Variants in CSMD1 observed in about 807,000 individuals in gnomAD.
The protein encoded by CSMD1 is CUB and Sushi multiple domains 1.
Under a neutral mutation model 417.5 loss-of-function variants are expected in CSMD1, and 213 were observed. The observed-to-expected ratio is 0.51, with a 90% confidence interval of 0.46 to 0.57. The LOEUF (loss-of-function observed/expected upper bound fraction) is 0.57, where lower values mean the gene tolerates loss of function less well. CSMD1 is among the 20% of genes least tolerant of loss of function. CSMD1 has a pLI of 0.00. For synonymous variants in CSMD1, 2,862 were observed against 1,736.8 expected (o/e 1.65, Z -16.11); for missense variants, 6,923 against 4,529.7 (o/e 1.53, Z -15.17).
chr8:3,514,239 G>C (rs1373709773), intron 10 of CSMD1, among the ~76,000 whole-genome samples: 1 of 152,258 alleles, frequency 6.6e-6, no homozygotes, highest in South Asian at 2.1e-4. Flanking sequence ...CTTTCTTAGA[G>C]TCTCTTTCAT....
chr8:4,216,761 C>G (rs775866876), intron 3 of CSMD1, among the ~76,000 whole-genome samples: 34 of 152,118 alleles, frequency 2.2e-4, no homozygotes, highest in Admixed American at 1.4e-3. Flanking sequence ...AATTACCATT[C>G]TCTTTACAGA....
chr8:4,015,564 A>G (rs1335645990), intron 4 of CSMD1, among the ~76,000 whole-genome samples: 1 of 151,440 alleles, frequency 6.6e-6, no homozygotes, highest in Admixed American at 6.6e-5. Flanking sequence ...TATCAGTGCT[A>G]CTGCTATGTT....
chr8:4,770,983 C>T (rs1005208764), intron 1 of CSMD1, among the ~76,000 whole-genome samples: 2 of 152,050 alleles, frequency 1.3e-5, no homozygotes, highest in Non-Finnish European at 2.9e-5. Flanking sequence ...AAAGCTTCTG[C>T]ACAGCAAAGG....
chr8:4,620,678 C>T (rs1801727961), intron 2 of CSMD1, among the ~76,000 whole-genome samples: 1 of 151,606 alleles, frequency 6.6e-6, no homozygotes, highest in Admixed American at 6.6e-5. Flanking sequence ...AAGATAAAAT[C>T]ATAAGAGAAG....
At chr8:4,396,331 G>T (rs569872504) in intron 3 of CSMD1, among the ~76,000 whole-genome samples, 2 of 151,740 alleles carry the variant, frequency 1.3e-5, no homozygotes, top group African/African-American at 4.8e-5. Context: ...GCCAGGCATG[G>T]TAGCATGCAC....
In CSMD1 at chr8:4,822,323, T is replaced by G. The variant is rs575851947; in HGVS notation, c.85+172009A>C. Among the ~76,000 whole-genome samples, 3 of 152,254 alleles carry G rather than the reference T, an allele frequency of 2.0e-5. No homozygotes were observed. In the South Asian group the frequency reaches 6.2e-4, roughly 32 times the overall value. On this transcript the variant is annotated intron_variant, in intron 1 of 69. Coordinates refer to ENST00000635120, the MANE Select transcript of CSMD1 (RefSeq NM_033225.6). ...CACTGAAGCCTTGCCCACTGCAGGT[T>G]ACTGAAATCTAGGTTTATGTTTAGA...
chr8:3,072,848 T>C (rs1217763361), intron 49 of CSMD1, among the ~76,000 whole-genome samples: 1 of 152,178 alleles, frequency 6.6e-6, no homozygotes, highest in African/African-American at 2.4e-5. Flanking sequence ...GGTGCCCACT[T>C]TTCAGTATTA....
Position 3,460,260 on chromosome 8 carries a change from T to C in CSMD1, c.1561+8452A>G, listed in dbSNP as rs1245248199. Among the ~76,000 whole-genome samples, 6 of 152,026 alleles carry C rather than the reference T, an allele frequency of 3.9e-5. No individual in the cohort carries two copies. The East Asian group carries it at 9.6e-4, about 24-fold the overall frequency. ...TGGTGAGTCCATAGAAGAATGATCC[T>C]TGTTGGGGAGATACGTGTGCAAAGG... is the stretch of plus-strand genomic sequence containing the variant. On this transcript the variant is annotated intron_variant, in intron 12 of 69. Transcript: ENST00000635120.
chr8:4,679,635 G>C (rs1437814766), intron 1 of CSMD1, among the ~76,000 whole-genome samples: 4 of 152,002 alleles, frequency 2.6e-5, no homozygotes, highest in Non-Finnish European at 5.9e-5. Context: ...ATCTACAAAA[G>C]ATAATATCTT....
chr8:4,165,618 G>A (rs1305338888), intron 3 of CSMD1, among the ~76,000 whole-genome samples: 2 of 152,112 alleles, frequency 1.3e-5, no homozygotes, highest in Non-Finnish European at 2.9e-5. Flanking sequence ...GCCCAGGCTT[G>A]GCTTGAACTC....
At chr8:3,484,937 G>T (rs1055470503) in intron 11 of CSMD1, among the ~76,000 whole-genome samples, 1 of 152,064 alleles carries the variant, frequency 6.6e-6, no homozygotes, top group South Asian at 2.1e-4. Context: ...GGGACGGCGT[G>T]AGCATGAGGA....
At chr8:3,580,243 T>C (rs1028073934) in intron 9 of CSMD1, among the ~76,000 whole-genome samples, 1 of 152,060 alleles carries the variant, frequency 6.6e-6, no homozygotes, top group Non-Finnish European at 1.5e-5. Flanking sequence ...CATGGACATA[T>C]AATGTCAGAA....
chr8:3,915,204 G>C (rs764160550), intron 5 of CSMD1, among the ~76,000 whole-genome samples: 6 of 151,900 alleles, frequency 3.9e-5, no homozygotes, highest in Non-Finnish European at 8.8e-5. Context: ...TCAGGATTTC[G>C]AGACCAGCCT....
chr8:3,952,282 T>C (rs1198479460), intron 5 of CSMD1, among the ~76,000 whole-genome samples: 1 of 152,158 alleles, frequency 6.6e-6, no homozygotes, highest in Non-Finnish European at 1.5e-5. Context: ...TAAATACTTC[T>C]AGAGGCTACG....
intron 3 of CSMD1, among the ~76,000 whole-genome samples, chr8:4,072,720 G>T (rs763812293): frequency 6.6e-6 from 1 of 152,154 alleles, no homozygotes; most frequent in African/African-American, 2.4e-5. Context: ...ATACAGAAAT[G>T]AACAAAGTGT....
rs369332126 is a variant in CSMD1, at chr8:4,422,585, T to A, written c.303-2520A>T. On this transcript the variant is annotated intron_variant, in intron 2 of 69. Coordinates refer to ENST00000635120, the MANE Select transcript of CSMD1 (RefSeq NM_033225.6). ...AAGAGAGCCCTCACCAGGAACTGAC[T>A]ATTCTGGACCCTGATCTCAGACTTT... 1.9e-4 allele frequency among the ~76,000 whole-genome samples: 29 copies of A among 152,204 alleles called. No individual in the cohort carries two copies. The East Asian group carries it at 5.4e-3, about 28-fold the overall frequency.
intron 3 of CSMD1, among the ~76,000 whole-genome samples, chr8:4,334,238 T>G (rs1800031178): frequency 1.3e-5 from 2 of 152,178 alleles, no homozygotes; most frequent in South Asian, 2.1e-4. Context: ...TCCAATAACT[T>G]AATGTGTATG....
At chr8:3,334,117 G>C (rs1807085521) in intron 23 of CSMD1, among the ~76,000 whole-genome samples, 1 of 152,200 alleles carries the variant, frequency 6.6e-6, no homozygotes, top group Admixed American at 6.5e-5. Flanking sequence ...CTACTGATGT[G>C]TTTGGGTAGA....
At chr8:3,963,616 C>T (rs1017413986) in intron 5 of CSMD1, among the ~76,000 whole-genome samples, 1 of 152,146 alleles carries the variant, frequency 6.6e-6, no homozygotes. Context: ...TTTAGTAGCA[C>T]ATATGGTATA....
Sources: gnomAD v4.1 joint callset for allele counts (sites outside exome capture counted in the v4.1 genomes callset) on GRCh38, gnomAD v4.1.1 for gene constraint, MANE v1.5 for transcripts, NCBI Gene and HGNC (gene_info 2026-07-23, HGNC 2026-07-21) for gene names.